Variants in SLC41A2 observed in about 807,000 individuals in gnomAD.
The protein encoded by SLC41A2 is SLC41A1-like 1.
In SLC41A2, 32 loss-of-function variants were observed where a neutral mutation model predicts 58.3. The observed-to-expected ratio is 0.55, with a 90% confidence interval of 0.41 to 0.74. The LOEUF is 0.74. Ranked by LOEUF, SLC41A2 falls within the 30% of genes least tolerant of loss-of-function variation. The pLI, the probability that SLC41A2 is intolerant of heterozygous loss-of-function variation, is 0.00. For missense variants in SLC41A2, 514 were observed against 680.6 expected (o/e 0.76, Z 2.72); for synonymous variants, 190 against 235.0 (o/e 0.81, Z 1.75).
rs1411378169 is a variant in SLC41A2, at chr12:104,804,351, C to CAG, written c.*800_*801insCT. On this transcript the variant is annotated 3_prime_UTR_variant, in exon 11 of 11. Transcript: ENST00000258538. ...TCATCAAAAGTCTCTCTCTCTCACA[C>CAG]ACACACACACACACATTCTCGTACC... is the stretch of plus-strand genomic sequence containing the variant. 2.0e-5 allele frequency: 3 copies of CAG among 151,692 alleles called. No homozygotes were observed. The East Asian group carries it at 5.8e-4, about 29-fold the overall frequency. The allele number at this position is 151,692 out of a possible 1,614,324, so 9.4% of individuals were successfully genotyped here. A position where few individuals can be genotyped will look rare whatever the true frequency, so the allele number is the denominator to read the frequency against.
chr12:104,893,682 AG>A (rs2135695395), intron 4 of SLC41A2, among the ~76,000 whole-genome samples: 1 of 152,384 alleles, frequency 6.6e-6, no homozygotes, highest in African/African-American at 2.4e-5. Flanking sequence ...GCCATAAAAA[AG>A]AATGATATCT....
intron 1 of SLC41A2, among the ~76,000 whole-genome samples, chr12:104,937,664 G>C (rs2047338253): frequency 6.6e-6 from 1 of 152,158 alleles, no homozygotes; most frequent in Admixed American, 6.5e-5. Flanking sequence ...ACTGTATTTA[G>C]TGCCTTAGAT....
chr12:104,936,005 T>C (rs1467234601), intron 1 of SLC41A2, among the ~76,000 whole-genome samples: 1 of 151,194 alleles, frequency 6.6e-6, no homozygotes, highest in Non-Finnish European at 1.5e-5. Context: ...GTTACACCAC[T>C]GCACTCCAGC....
At chr12:104,818,575 G>T (rs1419651326) in intron 10 of SLC41A2, among the ~76,000 whole-genome samples, 2 of 152,064 alleles carry the variant, frequency 1.3e-5, no homozygotes, top group Non-Finnish European at 2.9e-5. Context: ...GATCCAGAAG[G>T]AAAGAAAAGA....
intron 10 of SLC41A2, among the ~76,000 whole-genome samples, chr12:104,838,459 C>T (rs577262312): frequency 4.5e-4 from 69 of 152,178 alleles, no homozygotes; most frequent in Non-Finnish European, 7.1e-4. Context: ...TGAGATGGTG[C>T]AATTTGCATG....
intron 8 of SLC41A2, among the ~76,000 whole-genome samples, chr12:104,859,779 C>T (rs2043139063): frequency 6.6e-6 from 1 of 152,066 alleles, no homozygotes; most frequent in East Asian, 1.9e-4. Context: ...GTTGCCCAGG[C>T]TGGAGTGCAG....
chr12:104,836,564 T>C (rs886791943), intron 10 of SLC41A2, among the ~76,000 whole-genome samples: 7 of 152,160 alleles, frequency 4.6e-5, no homozygotes, highest in Non-Finnish European at 7.3e-5. Context: ...AACTGAACAC[T>C]ATAAAATAAT....
At chr12:104,822,501 C>T (rs988758577) in intron 10 of SLC41A2, among the ~76,000 whole-genome samples, 1 of 152,076 alleles carries the variant, frequency 6.6e-6, no homozygotes, top group African/African-American at 2.4e-5. Context: ...AGCATACACA[C>T]CAAAATTATT....
chr12:104,923,824 A>C (rs1328968686), intron 2 of SLC41A2, among the ~76,000 whole-genome samples: 1 of 152,220 alleles, frequency 6.6e-6, no homozygotes, highest in Non-Finnish European at 1.5e-5. Context: ...TCTACACAAA[A>C]ATCCATTCCA....
intron 2 of SLC41A2, among the ~76,000 whole-genome samples, chr12:104,922,260 T>C (rs2135850561): frequency 6.6e-6 from 1 of 152,288 alleles, no homozygotes; most frequent in Non-Finnish European, 1.5e-5. Flanking sequence ...CCCAGGTTTC[T>C]GCCTACAAGA....
intron 7 of SLC41A2, 98 bp downstream of exon 7, chr12:104,866,334 T>C (rs2043442793): frequency 7.6e-7 from 1 of 1,319,178 alleles, no homozygotes; most frequent in Admixed American, 3.2e-5. Context: ...TATTTTAATA[T>C]GCATGTACAT....
chr12:104,911,894 G>A (rs1276470165), intron 2 of SLC41A2, among the ~76,000 whole-genome samples: 6 of 152,162 alleles, frequency 3.9e-5, no homozygotes, highest in Non-Finnish European at 7.4e-5. Flanking sequence ...CATGTTTTAT[G>A]ATGGGCTAAC....
intron 10 of SLC41A2, among the ~76,000 whole-genome samples, chr12:104,811,233 A>G (rs2041161177): frequency 6.6e-6 from 1 of 152,224 alleles, no homozygotes; most frequent in Admixed American, 6.5e-5. Flanking sequence ...GAGATGTGCA[A>G]GAATATTCAC....
intron 6 of SLC41A2, among the ~76,000 whole-genome samples, chr12:104,872,007 G>A (rs1244270487): frequency 2.0e-4 from 31 of 151,978 alleles, no homozygotes; most frequent in Non-Finnish European, 4.4e-5. Flanking sequence ...TATAAATGTA[G>A]GCTTTAAAAA....
intron 8 of SLC41A2, among the ~76,000 whole-genome samples, chr12:104,857,257 G>A (rs1200203602): frequency 6.6e-6 from 1 of 152,166 alleles, no homozygotes; most frequent in East Asian, 1.9e-4. Flanking sequence ...GGTCTAGGGG[G>A]TCTGAGGAAG....
At chr12:104,950,708 C>T (rs1254723762) in intron 1 of SLC41A2, among the ~76,000 whole-genome samples, 1 of 152,118 alleles carries the variant, frequency 6.6e-6, no homozygotes, top group Admixed American at 6.5e-5. Context: ...TTAAATTAAA[C>T]CCTATGTGAA....
At chr12:104,814,142 A>G (rs1184625595) in intron 10 of SLC41A2, among the ~76,000 whole-genome samples, 2 of 152,160 alleles carry the variant, frequency 1.3e-5, no homozygotes, top group Non-Finnish European at 2.9e-5. Flanking sequence ...GGTGGCTCAC[A>G]TCTGTAATCC....
At chr12:104,869,759 A>G (rs1419594110) in intron 6 of SLC41A2, among the ~76,000 whole-genome samples, 2 of 152,256 alleles carry the variant, frequency 1.3e-5, no homozygotes, top group Admixed American at 6.5e-5. Flanking sequence ...ATATATAAAA[A>G]GAGATGCTAC....
At chr12:104,931,165 C>T (rs955306394) in intron 1 of SLC41A2, among the ~76,000 whole-genome samples, 13 of 152,240 alleles carry the variant, frequency 8.5e-5, no homozygotes, top group African/African-American at 1.7e-4. Context: ...TAACCTTACA[C>T]ATCAGACTAG....
Sources: gnomAD v4.1 joint callset for allele counts (sites outside exome capture counted in the v4.1 genomes callset) on GRCh38, gnomAD v4.1.1 for gene constraint, MANE v1.5 for transcripts, NCBI Gene and HGNC (gene_info 2026-07-23, HGNC 2026-07-21) for gene names.